The following ETV6 variants were observed in gnomAD, a reference collection of about 807,000 sequenced individuals.
The protein encoded by ETV6 is transcription factor ETV6.
A neutral mutation model predicts 51.1 loss-of-function variants in ETV6; 16 were observed. That is an observed-to-expected ratio of 0.31 (90% CI 0.21 to 0.48). The LOEUF is 0.48. Ranked by LOEUF, ETV6 falls within the 20% of genes least tolerant of loss-of-function variation. ETV6 has a pLI of 0.99. For synonymous variants in ETV6, 240 were observed against 224.1 expected, an observed-to-expected ratio of 1.07 and a Z score of -0.64; for missense variants, 458 against 594.8, an observed-to-expected ratio of 0.77 and a Z score of 2.39.
intron 2 of ETV6, among the ~76,000 whole-genome samples, chr12:11,833,742 T>C (rs1226565715): frequency 2.0e-5 from 3 of 152,202 alleles, no homozygotes; most frequent in African/African-American, 7.2e-5. Context: ...GAATGACTCC[T>C]GGCACATAGC....
chr12:11,784,332 CA>C (rs990556528), intron 2 of ETV6, among the ~76,000 whole-genome samples: 1 of 151,852 alleles, frequency 6.6e-6, no homozygotes, highest in African/African-American at 2.4e-5. Context: ...GAGGCTAAGG[CA>C]GGAGAATCAC....
intron 2 of ETV6, among the ~76,000 whole-genome samples, chr12:11,810,398 C>T (rs569039597): frequency 6.6e-6 from 1 of 152,120 alleles, no homozygotes; most frequent in Non-Finnish European, 1.5e-5. Context: ...AAAGGCATTT[C>T]GAAGACCTTG....
At chr12:11,753,677 T>C (rs1866082873) in intron 2 of ETV6, among the ~76,000 whole-genome samples, 1 of 152,170 alleles carries the variant, frequency 6.6e-6, no homozygotes, top group Non-Finnish European at 1.5e-5. Flanking sequence ...TTTCTCTCTC[T>C]GGTAATTCAG....
At chr12:11,724,850 T>A (rs1334372324) in intron 1 of ETV6, among the ~76,000 whole-genome samples, 2 of 152,202 alleles carry the variant, frequency 1.3e-5, no homozygotes, top group Non-Finnish European at 2.9e-5. Context: ...CTGGGTGTCC[T>A]GTATTAACAT....
chr12:11,851,842 T>C (rs919171520), intron 3 of ETV6, among the ~76,000 whole-genome samples: 1 of 152,178 alleles, frequency 6.6e-6, no homozygotes, highest in Admixed American at 6.5e-5. Context: ...TTTTATTTAG[T>C]GTCAGTGATA....
At chr12:11,819,421 C>A (rs1490413579) in intron 2 of ETV6, among the ~76,000 whole-genome samples, 3 of 152,252 alleles carry the variant, frequency 2.0e-5, no homozygotes, top group Non-Finnish European at 1.5e-5. Flanking sequence ...AACTCACCTA[C>A]TCCAGCGGCT....
chr12:11,808,653 G>A (rs1198356136), intron 2 of ETV6, among the ~76,000 whole-genome samples: 9 of 152,140 alleles, frequency 5.9e-5, no homozygotes, highest in African/African-American at 9.7e-5. Flanking sequence ...GTATCTGGGC[G>A]GGGGGTCCTG....
chr12:11,739,346 C>T lies in ETV6; in HGVS notation c.34-13104C>T, dbSNP rs181164522. On this transcript the variant is annotated intron_variant, in intron 1 of 7. Transcript: ENST00000396373. ...GAAAGGATGGGGAATAGTGCGTGGC[C>T]CCCACTCATCCCTGTGAGGTGCTGC... is the stretch of plus-strand genomic sequence containing the variant. Among the ~76,000 whole-genome samples the T allele has an allele frequency of 5.0e-3, 766 of 152,240 alleles. 3 individuals are homozygous for T. Among genetic ancestry groups the T allele is most frequent in the South Asian group, 0.026 (125 of 4,816 alleles).
At chr12:11,835,976 G>C (rs962844749) in intron 2 of ETV6, among the ~76,000 whole-genome samples, 17 of 152,220 alleles carry the variant, frequency 1.1e-4, no homozygotes, top group South Asian at 6.2e-4. Flanking sequence ...TCATAGGGTT[G>C]TGTGAGCATG....
intron 1 of ETV6, among the ~76,000 whole-genome samples, chr12:11,738,275 TTCTCTC>T (rs907887867): frequency 6.8e-6 from 1 of 146,872 alleles, no homozygotes; most frequent in Non-Finnish European, 1.5e-5. Flanking sequence ...CTCTTTCTCT[TTCTCTC>T]TCTCTCTGTT....
intron 2 of ETV6, among the ~76,000 whole-genome samples, chr12:11,793,650 C>T (rs1030474086): frequency 1.3e-5 from 2 of 152,200 alleles, no homozygotes; most frequent in African/African-American, 4.8e-5. Context: ...GGTGGGATGC[C>T]TCCCTTCTCT....
chr12:11,658,921 G>A (rs984522998), intron 1 of ETV6, among the ~76,000 whole-genome samples: 11 of 152,320 alleles, frequency 7.2e-5, no homozygotes, highest in Admixed American at 5.2e-4. Flanking sequence ...ATTACTCAGC[G>A]CTCAAGTATT....
In ETV6 at chr12:11,890,591, A is replaced by AT. The variant is rs11414088; in HGVS notation, c.1254-337dup. On this transcript the variant is annotated intron_variant, in intron 7 of 7. Coordinates refer to ENST00000396373, the MANE Select transcript of ETV6 (RefSeq NM_001987.5). ...TACAGGTGCACACCACCGTACCCAG[A>AT]TTTTTTTTTTTTTGGTAGAGGTGGG... Among the ~76,000 whole-genome samples the AT allele has an allele frequency of 0.39, 56,995 of 146,728 alleles. 10,871 individuals are homozygous for AT. The highest frequency in any genetic ancestry group is 0.53 in the Middle Eastern group (144 of 272).
chr12:11,715,217 G>C (rs1329036284), intron 1 of ETV6, among the ~76,000 whole-genome samples: 1 of 152,172 alleles, frequency 6.6e-6, no homozygotes, highest in African/African-American at 2.4e-5. Flanking sequence ...CTGGCCTTTA[G>C]ATAGACTGGA....
chr12:11,752,630 G>A, intron 2 of ETV6, 51 bp downstream of exon 2: 2 of 1,566,910 alleles, frequency 1.3e-6, no homozygotes, highest in East Asian at 2.3e-5. Flanking sequence ...GTGGGGCGGG[G>A]GTGGCAGGCA....
intron 1 of ETV6, among the ~76,000 whole-genome samples, chr12:11,730,717 A>AT (rs997666923): frequency 1.3e-5 from 2 of 152,112 alleles, no homozygotes; most frequent in African/African-American, 4.8e-5. Context: ...GCTGGGTTTG[A>AT]TTTTCCTCTT....
At chr12:11,772,469 CTTTG>C (rs1030162292) in intron 2 of ETV6, among the ~76,000 whole-genome samples, 1 of 152,152 alleles carries the variant, frequency 6.6e-6, no homozygotes, top group Non-Finnish European at 1.5e-5. Flanking sequence ...AAATGAGATT[CTTTG>C]TTTGATTGAT....
intron 3 of ETV6, among the ~76,000 whole-genome samples, chr12:11,848,962 G>T (rs548332798): frequency 6.6e-6 from 1 of 152,284 alleles, no homozygotes; most frequent in East Asian, 1.9e-4. Context: ...AATCAAATGG[G>T]TTAAGAATTT....
intron 1 of ETV6, among the ~76,000 whole-genome samples, chr12:11,726,853 G>A (rs1337141601): frequency 1.3e-5 from 2 of 152,214 alleles, no homozygotes; most frequent in African/African-American, 2.4e-5. Flanking sequence ...CTGTTTTCCA[G>A]CCACTGTCAC....
Sources: gnomAD v4.1 joint callset for allele counts (sites outside exome capture counted in the v4.1 genomes callset) on GRCh38, gnomAD v4.1.1 for gene constraint, MANE v1.5 for transcripts, NCBI Gene and HGNC (gene_info 2026-07-23, HGNC 2026-07-21) for gene names.